Variants in MAGI2 observed in about 807,000 individuals in gnomAD.
MAGI2 encodes the protein membrane associated guanylate kinase, WW and PDZ domain containing 2.
MAGI2 carries 35 observed loss-of-function variants against 133.3 expected under a neutral mutation model. The ratio of observed to expected loss-of-function variants is 0.26; its 90% CI spans 0.20 to 0.35. The LOEUF is 0.35. Among genes scored for constraint, MAGI2 ranks in the 10% least tolerant of loss-of-function variants. MAGI2 has a pLI of 1.00. For missense variants in MAGI2, 1,636 were observed against 1,863.4 expected, an observed-to-expected ratio of 0.88 and a Z score of 2.25; for synonymous variants, 729 against 710.6, an observed-to-expected ratio of 1.03 and a Z score of -0.41.
intron 21 of MAGI2, among the ~76,000 whole-genome samples, chr7:78,075,966 T>C (rs981179504): frequency 1.3e-5 from 2 of 152,270 alleles, no homozygotes; most frequent in Non-Finnish European, 2.9e-5. Flanking sequence ...GATTGTTCTA[T>C]GCTATTAAGT....
At chr7:78,163,475 C>T (rs1217620149) in intron 15 of MAGI2, among the ~76,000 whole-genome samples, 1 of 152,040 alleles carries the variant, frequency 6.6e-6, no homozygotes, top group African/African-American at 2.4e-5. Flanking sequence ...GTTTCGTCTC[C>T]ACCAGTCACA....
At chr7:78,979,514 G>A (rs1038861847) in intron 2 of MAGI2, among the ~76,000 whole-genome samples, 2 of 151,776 alleles carry the variant, frequency 1.3e-5, no homozygotes, top group Admixed American at 6.6e-5. Context: ...TCCCTGAGCT[G>A]GGGGTTTCAC....
At chr7:78,381,801 T>C (rs1204257940) in intron 6 of MAGI2, among the ~76,000 whole-genome samples, 4 of 152,166 alleles carry the variant, frequency 2.6e-5, no homozygotes, top group African/African-American at 9.6e-5. Context: ...AACACACTCT[T>C]AGACAAGGTT....
intron 1 of MAGI2, among the ~76,000 whole-genome samples, chr7:79,350,587 A>G (rs1234238492): frequency 1.3e-5 from 2 of 152,166 alleles, no homozygotes; most frequent in Non-Finnish European, 2.9e-5. Flanking sequence ...AAAAAAATAA[A>G]GGAATGAACA....
chr7:78,453,264 T>A (rs998615870), intron 6 of MAGI2, among the ~76,000 whole-genome samples: 2 of 152,134 alleles, frequency 1.3e-5, no homozygotes, highest in Non-Finnish European at 2.9e-5. Flanking sequence ...AATACACAGA[T>A]GGAGAAACTG....
At chr7:78,698,372 G>T (rs1439799742) in intron 2 of MAGI2, among the ~76,000 whole-genome samples, 1 of 152,078 alleles carries the variant, frequency 6.6e-6, no homozygotes, top group Non-Finnish European at 1.5e-5. Context: ...TTACAACAAA[G>T]GTCCACAACA....
In MAGI2 at chr7:78,071,871, G is replaced by A. The variant is rs546069785; in HGVS notation, c.3706+7076C>T. Among the ~76,000 whole-genome samples, 15 of 152,358 alleles carry A rather than the reference G, an allele frequency of 9.8e-5. No individual in the cohort carries two copies. The East Asian group carries it at 2.9e-3, about 29-fold the overall frequency. Reference sequence around the variant, plus strand: ...ATTTCAGAATTTATTATTGCAGCAAGTCACCTTTTGCCCTATTAAAAATGC... The same window carrying A: ...ATTTCAGAATTTATTATTGCAGCAAATCACCTTTTGCCCTATTAAAAATGC... On this transcript the variant is annotated intron_variant, in intron 21 of 21. Transcript: ENST00000354212.
At chr7:79,332,228 C>G (rs1840135375) in intron 1 of MAGI2, among the ~76,000 whole-genome samples, 1 of 152,178 alleles carries the variant, frequency 6.6e-6, no homozygotes, top group Admixed American at 6.5e-5. Flanking sequence ...AAGCTTGTCA[C>G]TTAAGGAAGT....
chr7:78,800,176 G>A (rs1290766692), intron 2 of MAGI2, among the ~76,000 whole-genome samples: 3 of 152,024 alleles, frequency 2.0e-5, no homozygotes, highest in East Asian at 1.9e-4. Context: ...TAATACCAGG[G>A]TTATATAATC....
At chr7:78,657,768 A>C (rs1339627519) in intron 2 of MAGI2, among the ~76,000 whole-genome samples, 1 of 152,216 alleles carries the variant, frequency 6.6e-6, no homozygotes, top group Non-Finnish European at 1.5e-5. Context: ...AGACTCATAG[A>C]ATATACAACA....
chr7:78,206,537 C>T (rs549761721), intron 10 of MAGI2, among the ~76,000 whole-genome samples: 6 of 152,036 alleles, frequency 3.9e-5, no homozygotes, highest in Non-Finnish European at 7.4e-5. Context: ...ATGATCCACC[C>T]GACTCGGCCT....
chr7:79,085,520 CTGTT>C lies in MAGI2; in HGVS notation c.302-78318_302-78315del, dbSNP rs1816410797. 4.6e-5 allele frequency among the ~76,000 whole-genome samples: 7 copies of C among 151,926 alleles called. 1 individual carries two copies. In the South Asian group the frequency reaches 1.2e-3, roughly 27 times the overall value. ...CAGTTTCTGTTGACTGAATTTTACTCTGTTTGGGCCATGCTTTCCTATTTTTTTG... is the reference window on the plus strand; with the variant it reads ...CAGTTTCTGTTGACTGAATTTTACTCTGGGCCATGCTTTCCTATTTTTTTG... On this transcript the variant is annotated intron_variant, in intron 1 of 21. Coordinates refer to ENST00000354212, the MANE Select transcript of MAGI2 (RefSeq NM_012301.4).
At chr7:79,228,161 CA>C (rs1002138595) in intron 1 of MAGI2, among the ~76,000 whole-genome samples, 15 of 151,458 alleles carry the variant, frequency 9.9e-5, no homozygotes, top group African/African-American at 3.6e-4. Context: ...CTGGAAAACA[CA>C]ATGAGACCTC....
Position 78,019,747 on chromosome 7 carries a change from C to G in MAGI2, c.3936G>C (p.Glu1312Asp), listed in dbSNP as rs1284935167. Residue 1312 changes from glutamate to aspartate, a missense_variant, in exon 22 of 22, where the codon GAG (glutamate) becomes GAC (aspartate). Glu to Asp is a conservative substitution (Grantham distance 45). Transcript: ENST00000354212. ...ACGQKKQRLG[E>D]QRERSASPQR... ...GCGGACTCGCCGAGCGCTCCCTCTG[C>G]TCCCCGAGGCGCTGCTTCTTCTGGC... 10 of 1,611,618 alleles carry G rather than the reference C, an allele frequency of 6.2e-6. No homozygotes were observed. Among genetic ancestry groups the G allele is most frequent in the Non-Finnish European group, 8.5e-6 (10 of 1,179,538 alleles).
intron 2 of MAGI2, among the ~76,000 whole-genome samples, chr7:78,991,059 C>T (rs1013640050): frequency 2.0e-5 from 3 of 151,712 alleles, no homozygotes; most frequent in Non-Finnish European, 4.4e-5. Flanking sequence ...TTCCCCCATG[C>T]TGTTCTTGTG....
chr7:78,343,830 C>T lies in MAGI2; in HGVS notation c.1356G>A (p.Val452=), dbSNP rs1333763543. Residue 452 remains valine (V), a synonymous_variant, in exon 9 of 22, where the codon GTG becomes GTA. Transcript: ENST00000354212. ...GGDEPDEFLQ[V]KSVIPDGPAA... is the part of the protein sequence containing the mutation. ...CAGGCCCATCCGGAATCACACTTTT[C>T]ACCTGCAGAAACTCATCAGGCTCGT... 6.8e-6 allele frequency: 11 copies of T among 1,611,676 alleles called. No homozygotes were observed. The highest frequency in any genetic ancestry group is 8.5e-6 in the Non-Finnish European group (10 of 1,179,174).
chr7:79,330,641 A>T (rs1271906274), intron 1 of MAGI2, among the ~76,000 whole-genome samples: 1 of 151,926 alleles, frequency 6.6e-6, no homozygotes, highest in Admixed American at 6.6e-5. Context: ...AAGGTTTTAC[A>T]TTACACTCTT....
chr7:78,864,791 G>C (rs1794420832), intron 2 of MAGI2, among the ~76,000 whole-genome samples: 2 of 151,884 alleles, frequency 1.3e-5, no homozygotes, highest in South Asian at 4.2e-4. Flanking sequence ...AGACATTTAG[G>C]GTTCATTTTT....
chr7:78,901,923 G>A (rs569498982), intron 2 of MAGI2, among the ~76,000 whole-genome samples: 21 of 152,038 alleles, frequency 1.4e-4, no homozygotes, highest in African/African-American at 4.8e-4. Context: ...AAATAAAGCC[G>A]ATCCAATGAA....
Sources: gnomAD v4.1 joint callset for allele counts (sites outside exome capture counted in the v4.1 genomes callset) on GRCh38, gnomAD v4.1.1 for gene constraint, MANE v1.5 for transcripts, NCBI Gene and HGNC (gene_info 2026-07-23, HGNC 2026-07-21) for gene names.